The following ARFGEF2 variants were observed in gnomAD, a reference collection of about 807,000 sequenced individuals.
ARFGEF2 encodes ARF guanine nucleotide exchange factor 2, also known as brefeldin A-inhibited guanine nucleotide-exchange protein 2.
ARFGEF2 carries 74 observed loss-of-function variants against 219.9 expected under a neutral mutation model. That is an observed-to-expected ratio of 0.34 (90% CI 0.28 to 0.41). The LOEUF (loss-of-function observed/expected upper bound fraction) is 0.41. ARFGEF2 is among the 10% of genes least tolerant of loss of function. The pLI, the probability that ARFGEF2 is intolerant of heterozygous loss-of-function variation, is 1.00. For missense variants in ARFGEF2, 1,743 were observed against 2,218.3 expected (o/e 0.79, Z 4.30); for synonymous variants, 733 against 799.2 (o/e 0.92, Z 1.40).
Position 48,994,498 on chromosome 20 carries a change from C to A in ARFGEF2, c.3021C>A (p.Thr1007=). The A allele has an allele frequency of 6.2e-7, 1 of 1,614,054 alleles. No homozygotes were observed. The highest frequency in any genetic ancestry group is 1.1e-5 in the South Asian group (1 of 91,076). ...SQLELAQLIG[T]GVKTRYLSGS... ...TGGAGCTCGCTCAGCTGATAGGAAC[C>A]GGTGTGAAGACGCGCTACCTGTCTG... Residue 1007 remains threonine (T), a synonymous_variant, in exon 22 of 39, where the codon ACC becomes ACA. Transcript: ENST00000371917.
At chr20:48,935,454 T>C (rs2090942066) in intron 1 of ARFGEF2, among the ~76,000 whole-genome samples, 1 of 152,070 alleles carries the variant, frequency 6.6e-6, no homozygotes, top group Admixed American at 6.5e-5. Flanking sequence ...AGAATTTTTC[T>C]TAGTACAGAA....
intron 34 of ARFGEF2, among the ~76,000 whole-genome samples, chr20:49,022,036 T>G (rs1229741377): frequency 6.8e-6 from 1 of 148,000 alleles, no homozygotes; most frequent in Non-Finnish European, 1.5e-5. Flanking sequence ...TAATCCCAGC[T>G]ACCAGCTACT....
intron 8 of ARFGEF2, among the ~76,000 whole-genome samples, chr20:48,968,505 C>T (rs1042048474): frequency 6.6e-6 from 1 of 151,726 alleles, no homozygotes; most frequent in African/African-American, 2.4e-5. Context: ...CAGGTTCAAG[C>T]GATTCTCCTG....
chr20:48,995,968 T>C, intron 23 of ARFGEF2, 86 bp downstream of exon 23: 1 of 1,192,932 alleles, frequency 8.4e-7, no homozygotes, highest in South Asian at 1.2e-5. Context: ...GATTCCTAAT[T>C]TCTTTAACTG....
At position 48,928,557 on chromosome 20, in the gene ARFGEF2, T is replaced by C. The variant is rs73611306; in HGVS notation, c.121+6547T>C. ...TCGCCCAGGCTGGAGTGCAGTGGCG[T>C]GATCTCGGCTCACTGCAAGCTCTGC... On this transcript the variant is annotated intron_variant, in intron 1 of 38. Coordinates refer to ENST00000371917, the MANE Select transcript of ARFGEF2 (RefSeq NM_006420.3). Among the ~76,000 whole-genome samples the C allele has an allele frequency of 3.4e-3, 445 of 132,424 alleles. No homozygotes were observed. In the Middle Eastern group the frequency reaches 0.054, roughly 16 times the overall value. 86.9% of individuals were successfully genotyped at this position (132,424 alleles called of 152,430 possible).
chr20:48,970,810 T>C (rs1443812878), intron 9 of ARFGEF2, among the ~76,000 whole-genome samples: 1 of 152,150 alleles, frequency 6.6e-6, no homozygotes, highest in African/African-American at 2.4e-5. Context: ...CCACAAGTGA[T>C]GTAAAGTCAT....
At chr20:48,924,631 C>T (rs185444923) in intron 1 of ARFGEF2, among the ~76,000 whole-genome samples, 76 of 151,610 alleles carry the variant, frequency 5.0e-4, no homozygotes, top group African/African-American at 1.5e-3. Flanking sequence ...CTGTAAATGA[C>T]GGCTCAAAGT....
chr20:48,926,816 A>G (rs1426337951), intron 1 of ARFGEF2, among the ~76,000 whole-genome samples: 1 of 152,152 alleles, frequency 6.6e-6, no homozygotes. Flanking sequence ...AAGGCTAAGG[A>G]AGAGAGCAAC....
At chr20:48,999,453 A>G (rs2091411297) in intron 25 of ARFGEF2, among the ~76,000 whole-genome samples, 2 of 152,044 alleles carry the variant, frequency 1.3e-5, no homozygotes, top group South Asian at 4.2e-4. Flanking sequence ...AAAGCAATCA[A>G]AAGAAATGTA....
chr20:48,965,650 G>A (rs906646095), intron 7 of ARFGEF2, among the ~76,000 whole-genome samples: 1 of 152,202 alleles, frequency 6.6e-6, no homozygotes, highest in Non-Finnish European at 1.5e-5. Flanking sequence ...GTATATTGCT[G>A]TGGCCCTGGC....
intron 5 of ARFGEF2, 107 bp downstream of exon 5, chr20:48,952,991 CCTT>C (rs1235194094): frequency 1.7e-6 from 2 of 1,179,778 alleles, no homozygotes; most frequent in Non-Finnish European, 2.5e-6. Context: ...TAAAGCTACC[CCTT>C]CTTCCTGTGG....
At chr20:48,984,311 GCAGACTTCCCACCTGAGT>G (rs1378407974) in intron 14 of ARFGEF2, among the ~76,000 whole-genome samples, 8 of 152,162 alleles carry the variant, frequency 5.3e-5, no homozygotes, top group Non-Finnish European at 2.9e-5. Flanking sequence ...AGAGAAAAAA[GCAGACTTCCCACCTGAGT>G]CAGCTTTGTT....
At chr20:48,998,651 G>C (rs1406432321) in intron 25 of ARFGEF2, 146 bp downstream of exon 25, 9 of 765,740 alleles carry the variant, frequency 1.2e-5, no homozygotes, top group Non-Finnish European at 1.5e-5. Context: ...CAGCTTGATA[G>C]GAGTAATATC....
intron 1 of ARFGEF2, among the ~76,000 whole-genome samples, chr20:48,940,923 A>G (rs543901897): frequency 9.2e-5 from 14 of 152,242 alleles, no homozygotes; most frequent in Non-Finnish European, 1.8e-4. Flanking sequence ...ATCCTCCTCT[A>G]AATGAGATGG....
chr20:49,024,286 C>T (rs1328315949), intron 35 of ARFGEF2, among the ~76,000 whole-genome samples: 2 of 152,140 alleles, frequency 1.3e-5, no homozygotes, highest in Non-Finnish European at 2.9e-5. Context: ...ATATCAGATT[C>T]TTGAAAACAT....
chr20:49,003,966 G>A (rs977677579), intron 25 of ARFGEF2, among the ~76,000 whole-genome samples: 4 of 152,124 alleles, frequency 2.6e-5, no homozygotes, highest in African/African-American at 9.7e-5. Flanking sequence ...GCTTTCCATA[G>A]ACTGTAAAGG....
intron 15 of ARFGEF2, 37 bp from the exon 16 acceptor site, chr20:48,985,371 G>C: frequency 6.2e-7 from 1 of 1,610,630 alleles, no homozygotes; most frequent in Non-Finnish European, 8.5e-7. Flanking sequence ...GTTCGTATTT[G>C]ACAATTTCTG....
chr20:48,964,180 G>A (rs370096715), intron 7 of ARFGEF2, among the ~76,000 whole-genome samples: 18 of 152,288 alleles, frequency 1.2e-4, no homozygotes, highest in African/African-American at 2.9e-4. Context: ...AGGCCAAGGC[G>A]GGCGGTTCAC....
intron 1 of ARFGEF2, among the ~76,000 whole-genome samples, chr20:48,933,041 C>T (rs762618955): frequency 7.4e-4 from 112 of 152,138 alleles, no homozygotes; most frequent in Non-Finnish European, 1.2e-3. Context: ...AGAGAGAATG[C>T]GAGCCAGTGT....
Sources: allele counts gnomAD v4.1 joint callset (sites outside exome capture counted in the v4.1 genomes callset), GRCh38; gene constraint gnomAD v4.1.1; transcripts MANE v1.5; gene names NCBI Gene and HGNC (gene_info 2026-07-23, HGNC 2026-07-21).